The following MGMT variants were observed in gnomAD, a reference collection of about 807,000 sequenced individuals.
The protein encoded by MGMT is O-6-methylguanine-DNA methyltransferase.
MGMT carries 14 observed loss-of-function variants against 15.9 expected under a neutral mutation model. That is an observed-to-expected ratio of 0.88 (90% CI 0.58 to 1.37). MGMT has a LOEUF of 1.37. Ranked by LOEUF, MGMT falls within the 40% of genes most tolerant of loss-of-function variation. MGMT has a pLI of 0.00. For synonymous variants in MGMT, 130 were observed against 118.2 expected (o/e 1.10, Z -0.65); for missense variants, 282 against 268.1 (o/e 1.05, Z -0.36).
chr10:129,686,791 A>G (rs182333849), intron 2 of MGMT, among the ~76,000 whole-genome samples: 1 of 152,318 alleles, frequency 6.6e-6, no homozygotes, highest in African/African-American at 2.4e-5. Context: ...AGAAGTCATG[A>G]GTTTGAAGGC....
At chr10:129,478,002 G>C (rs1379952409) in intron 1 of MGMT, among the ~76,000 whole-genome samples, 1 of 152,180 alleles carries the variant, frequency 6.6e-6, no homozygotes, top group Admixed American at 6.5e-5. Flanking sequence ...TTCATGACCA[G>C]AAACATCAGT....
chr10:129,538,926 G>A (rs970645063), intron 2 of MGMT, among the ~76,000 whole-genome samples: 9 of 152,154 alleles, frequency 5.9e-5, no homozygotes, highest in East Asian at 1.9e-4. Context: ...GAGCCACTGC[G>A]CCTGGCCACC....
intron 3 of MGMT, among the ~76,000 whole-genome samples, chr10:129,747,149 C>T (rs1401055595): frequency 6.6e-6 from 1 of 152,238 alleles, no homozygotes; most frequent in Admixed American, 6.5e-5. Flanking sequence ...TATCTAGTGA[C>T]TTTGCTAAAC....
chr10:129,678,096 G>C (rs542758819), intron 2 of MGMT, among the ~76,000 whole-genome samples: 26 of 151,898 alleles, frequency 1.7e-4, no homozygotes, highest in Admixed American at 1.5e-3. Flanking sequence ...AAGGCTGGGC[G>C]TAAAACTGAA....
intron 1 of MGMT, among the ~76,000 whole-genome samples, chr10:129,468,204 T>C (rs1042112085): frequency 2.0e-5 from 3 of 152,154 alleles, no homozygotes; most frequent in African/African-American, 7.2e-5. Flanking sequence ...TGGGCAGGTG[T>C]CTAGGAGATG....
intron 1 of MGMT, among the ~76,000 whole-genome samples, chr10:129,511,444 G>C (rs997137050): frequency 9.4e-5 from 14 of 149,624 alleles, no homozygotes; most frequent in African/African-American, 3.5e-4. Flanking sequence ...GCAGCCACAT[G>C]CTTCATGTGA....
intron 2 of MGMT, among the ~76,000 whole-genome samples, chr10:129,558,679 G>A (rs912446833): frequency 2.6e-5 from 4 of 152,164 alleles, no homozygotes; most frequent in Admixed American, 6.5e-5. Flanking sequence ...AATCTCCGGC[G>A]TCTCTCCTGA....
At chr10:129,526,695 A>G (rs12777580) in intron 1 of MGMT, among the ~76,000 whole-genome samples, 37,806 of 152,030 alleles carry the variant, frequency 0.25, 5,650 homozygotes, top group African/African-American at 0.42. Context: ...ACAGGATACC[A>G]GCAGTGGAAA....
At chr10:129,511,005 C>G (rs1266240707) in intron 1 of MGMT, among the ~76,000 whole-genome samples, 4 of 147,886 alleles carry the variant, frequency 2.7e-5, no homozygotes, top group Admixed American at 2.0e-4. Flanking sequence ...CGCAGCCAGA[C>G]ACAGACACGT....
intron 1 of MGMT, among the ~76,000 whole-genome samples, chr10:129,502,134 G>C (rs979250457): frequency 1.2e-4 from 19 of 152,246 alleles, no homozygotes; most frequent in African/African-American, 4.6e-4. Context: ...ATCCTGACTA[G>C]TACAGCGTGG....
intron 1 of MGMT, among the ~76,000 whole-genome samples, chr10:129,478,415 C>T (rs1042408719): frequency 3.3e-5 from 5 of 152,178 alleles, no homozygotes; most frequent in Admixed American, 6.5e-5. Flanking sequence ...AGGGGCCTTG[C>T]AAGACATTTC....
chr10:129,485,501 C>A (rs1254720014), intron 1 of MGMT, among the ~76,000 whole-genome samples: 1 of 152,172 alleles, frequency 6.6e-6, no homozygotes, highest in Non-Finnish European at 1.5e-5. Flanking sequence ...AGTTGAGCAC[C>A]CCTAATTCAA....
At chr10:129,538,284 G>A (rs779066604) in intron 2 of MGMT, among the ~76,000 whole-genome samples, 3 of 152,148 alleles carry the variant, frequency 2.0e-5, no homozygotes, top group Non-Finnish European at 2.9e-5. Flanking sequence ...ATTCCCTTGT[G>A]CCCCCTAAAG....
intron 2 of MGMT, among the ~76,000 whole-genome samples, chr10:129,673,018 C>T (rs998400574): frequency 6.6e-6 from 1 of 152,170 alleles, no homozygotes; most frequent in Admixed American, 6.5e-5. Context: ...GGCTGTGGCT[C>T]TTTTGAGGTT....
rs184840043 is a variant in MGMT at position 129,593,483 on chromosome 10, C to T, written c.125+57106C>T. On this transcript the variant is annotated intron_variant, in intron 2 of 4. Coordinates refer to ENST00000651593, the MANE Select transcript of MGMT (RefSeq NM_002412.5). ...TGTTGCCGACGAATCTGAGAGGGAG[C>T]CCCTGGCTTCTTATTTTTCTTTGAA... 3.3e-5 allele frequency among the ~76,000 whole-genome samples: 5 copies of T among 152,314 alleles called. No individual in the cohort carries two copies. The East Asian group carries it at 9.7e-4, about 29-fold the overall frequency.
intron 1 of MGMT, among the ~76,000 whole-genome samples, chr10:129,482,470 G>C: frequency 6.6e-6 from 1 of 152,020 alleles, no homozygotes; most frequent in East Asian, 1.9e-4. Flanking sequence ...ATTGAATTTT[G>C]TTTCCCTATT....
intron 2 of MGMT, among the ~76,000 whole-genome samples, chr10:129,590,898 C>A (rs963485471): frequency 6.6e-6 from 1 of 152,212 alleles, no homozygotes; most frequent in Non-Finnish European, 1.5e-5. Flanking sequence ...CGCCGGCTGA[C>A]GGAAAGGTGG....
intron 1 of MGMT, among the ~76,000 whole-genome samples, chr10:129,508,296 C>G (rs1332002473): frequency 6.6e-6 from 1 of 152,058 alleles, no homozygotes; most frequent in African/African-American, 2.4e-5. Flanking sequence ...GTGGCAGGTC[C>G]TAGAAGGTAT....
At chr10:129,534,205 C>T (rs1479121729) in intron 1 of MGMT, among the ~76,000 whole-genome samples, 2 of 152,148 alleles carry the variant, frequency 1.3e-5, no homozygotes, top group South Asian at 2.1e-4. Flanking sequence ...TATCTGGCCC[C>T]TGCCACATGG....
Sources: gnomAD v4.1 joint callset for allele counts (sites outside exome capture counted in the v4.1 genomes callset) on GRCh38, gnomAD v4.1.1 for gene constraint, MANE v1.5 for transcripts, NCBI Gene and HGNC (gene_info 2026-07-23, HGNC 2026-07-21) for gene names.